The following RYR2 variants were observed in gnomAD, a reference collection of about 807,000 sequenced individuals.
RYR2 encodes ryanodine receptor 2, also known as cardiac muscle ryanodine receptor-calcium release channel.
In RYR2, 227 loss-of-function variants were observed where a neutral mutation model predicts 601.1. The observed-to-expected ratio is 0.38, with a 90% CI of 0.34 to 0.42. RYR2 has a LOEUF of 0.42. RYR2 is among the 10% of genes least tolerant of loss of function. The probability of loss-of-function intolerance (pLI) is 1.00; values close to 1 mark genes in which losing one functional copy is unlikely to be tolerated. For synonymous variants in RYR2, 2,223 were observed against 2,175.1 expected (o/e 1.02, Z -0.61); for missense variants, 4,646 against 6,156.5 (o/e 0.75, Z 8.21).
At chr1:237,680,701 T>C in intron 62 of RYR2, 124 bp downstream of exon 62, 2 of 617,524 alleles carry the variant, frequency 3.2e-6, no homozygotes. Flanking sequence ...GGTCCGTGTC[T>C]TCATGGAAAC....
intron 27 of RYR2, among the ~76,000 whole-genome samples, chr1:237,559,499 G>A (rs936258679): frequency 2.0e-5 from 3 of 152,110 alleles, no homozygotes; most frequent in African/African-American, 7.2e-5. Flanking sequence ...ACCTGCCTCG[G>A]CCTCCCAAAG....
At chr1:237,134,604 A>C (rs1183503325) in intron 1 of RYR2, among the ~76,000 whole-genome samples, 5 of 152,166 alleles carry the variant, frequency 3.3e-5, no homozygotes, top group African/African-American at 9.7e-5. Flanking sequence ...GGGAGCTACA[A>C]TTCAAGATGA....
At chr1:237,521,610 C>T (rs913656631) in intron 24 of RYR2, among the ~76,000 whole-genome samples, 5 of 151,800 alleles carry the variant, frequency 3.3e-5, no homozygotes, top group African/African-American at 7.3e-5. Context: ...ATCCCAGCTG[C>T]TCGGGAGGCT....
intron 91 of RYR2, 129 bp from the exon 92 acceptor site, chr1:237,787,859 G>T: frequency 1.2e-6 from 1 of 853,814 alleles, no homozygotes; most frequent in Non-Finnish European, 1.8e-6. Context: ...ATCATTCACC[G>T]GAAAAGAAAT....
At chr1:237,584,653 T>TTTGTTTTTTG (rs1360761501) in intron 29 of RYR2, among the ~76,000 whole-genome samples, 1 of 132,484 alleles carries the variant, frequency 7.5e-6, no homozygotes, top group Non-Finnish European at 1.6e-5. Flanking sequence ...CCACCTGTTT[T>TTTGTTTTTTG]TTTTTTTTTT....
At chr1:237,456,489 T>C (rs1203719651) in intron 15 of RYR2, 111 bp from the exon 16 acceptor site, 1 of 1,179,584 alleles carries the variant, frequency 8.5e-7, no homozygotes, top group Non-Finnish European at 1.1e-6. Flanking sequence ...GATTAGTAGA[T>C]GAACCTTCAG....
At chr1:237,302,997 A>G (rs911033142) in intron 2 of RYR2, among the ~76,000 whole-genome samples, 1 of 152,178 alleles carries the variant, frequency 6.6e-6, no homozygotes, top group Admixed American at 6.5e-5. Flanking sequence ...GCATCAAAAT[A>G]AGAAAAATCT....
At chr1:237,620,018 G>C (rs1248653301) in intron 38 of RYR2, among the ~76,000 whole-genome samples, 1 of 152,144 alleles carries the variant, frequency 6.6e-6, no homozygotes, top group Non-Finnish European at 1.5e-5. Flanking sequence ...CAGAAAGGAA[G>C]AAATTAACAC....
At chr1:237,781,765 G>T in intron 89 of RYR2, 119 bp downstream of exon 89, 1 of 460,138 alleles carries the variant, frequency 2.2e-6, no homozygotes, top group Non-Finnish European at 3.9e-6. Context: ...TAGATGCCTT[G>T]GATTTCTTGC....
chr1:237,163,564 GA>G (rs1477666656), intron 1 of RYR2, among the ~76,000 whole-genome samples: 1 of 152,110 alleles, frequency 6.6e-6, no homozygotes, highest in Non-Finnish European at 1.5e-5. Flanking sequence ...GTAATTCCTT[GA>G]GGACTATTCC....
chr1:237,094,586 ATTT>A (rs35471429), intron 1 of RYR2, among the ~76,000 whole-genome samples: 105 of 132,300 alleles, frequency 7.9e-4, no homozygotes, highest in Middle Eastern at 4.0e-3. Context: ...TATTATTATT[ATTT>A]TTTGAGACGG....
intron 4 of RYR2, among the ~76,000 whole-genome samples, chr1:237,357,267 A>T (rs1359806819): frequency 6.6e-6 from 1 of 152,130 alleles, no homozygotes; most frequent in Non-Finnish European, 1.5e-5. Context: ...TAAAATGCTG[A>T]TCCAAGATTC....
chr1:237,392,269 A>G (rs1287073832), intron 10 of RYR2, among the ~76,000 whole-genome samples: 1 of 152,120 alleles, frequency 6.6e-6, no homozygotes, highest in Admixed American at 6.5e-5. Context: ...ACAACAGGGT[A>G]ACTATAGCCA....
intron 104 of RYR2, 25 bp from the exon 105 acceptor site, chr1:237,832,527 T>G (rs1300288969): frequency 2.0e-6 from 3 of 1,476,876 alleles, no homozygotes; most frequent in Non-Finnish European, 2.8e-6. Context: ...GGGAAAATGT[T>G]AATACATTTC....
chr1:237,525,448 GTTTGTTTGTTT>G (rs1355203826), intron 24 of RYR2, among the ~76,000 whole-genome samples: 44 of 128,014 alleles, frequency 3.4e-4, no homozygotes, highest in Middle Eastern at 3.8e-3. Context: ...TGTTTTTTTT[GTTTGTTTGTTT>G]TTTGTTTTTT....
Position 237,784,662 on chromosome 1 carries a change from G to T in RYR2, c.12950G>T (p.Ser4317Ile). 6.2e-7 allele frequency: 1 copy of T among 1,613,174 alleles called. No homozygotes were observed. Among genetic ancestry groups the T allele is most frequent in the Non-Finnish European group, 8.5e-7 (1 of 1,179,510 alleles). The change falls in exon 90 of 105, where the codon AGC becomes ATC. Residue 4317 changes from serine to isoleucine, a missense_variant. Around this residue, in one of 17 missense-constraint regions of RYR2, gnomAD observed 364 missense variants for 442.9 expected, o/e 0.82. Transcript: ENST00000366574. The surrounding 1 kb of genome is among the most constrained non-coding windows in gnomAD (Gnocchi z 7.1). ...RIICSLLLGG[S>I]LVEGAKKIKV... ...ATTTGCAGCCTGCTGCTTGGGGGAAGCCTCGTCGAAGGTGCTAAAAAGATC... is the reference window on the plus strand; with the variant it reads ...ATTTGCAGCCTGCTGCTTGGGGGAATCCTCGTCGAAGGTGCTAAAAAGATC...
In RYR2 at chr1:237,687,519, G is replaced by GA; in HGVS notation, c.9067+21dup. The GA allele has an allele frequency of 6.3e-7, 1 of 1,597,960 alleles. No individual in the cohort carries two copies. Among genetic ancestry groups the GA allele is most frequent in the Non-Finnish European group, 8.6e-7 (1 of 1,167,936 alleles). On this transcript the variant is annotated intron_variant, in intron 63 of 104. Transcript: ENST00000366574. The stretch of plus-strand genomic sequence containing the variant: ...TTCACTATTTGGTAAGGAGACCCTT[G>GA]AAAAAATACAAGCATGGCCATCACT...
intron 96 of RYR2, among the ~76,000 whole-genome samples, chr1:237,796,929 T>C (rs10925510): frequency 0.098 from 14,843 of 151,966 alleles, 831 homozygotes; most frequent in African/African-American, 0.16. Context: ...GGATTACAGG[T>C]GTCTACCACC....
intron 1 of RYR2, among the ~76,000 whole-genome samples, chr1:237,064,488 G>A (rs1351499276): frequency 1.3e-5 from 2 of 151,742 alleles, no homozygotes; most frequent in African/African-American, 2.4e-5. Context: ...CAGATATTTG[G>A]TCTTATTTTC....
Sources: gnomAD v4.1 joint callset for allele counts (sites outside exome capture counted in the v4.1 genomes callset) on GRCh38, gnomAD v4.1.1 for gene constraint, gnomAD v4.1.1 regional missense constraint, Gnocchi (gnomAD v3.1) non-coding constraint, MANE v1.5 for transcripts, NCBI Gene and HGNC (gene_info 2026-07-23, HGNC 2026-07-21) for gene names.